SLC66A2: variants seen among roughly 807,000 people sequenced by gnomAD.
The protein encoded by SLC66A2 is PQ loop repeat containing 1.
Under a neutral mutation model 25.5 loss-of-function variants are expected in SLC66A2, and 23 were observed. The ratio of observed to expected loss-of-function variants is 0.90; its 90% CI spans 0.65 to 1.28. The LOEUF (loss-of-function observed/expected upper bound fraction) is 1.28, where lower values mean the gene tolerates loss of function less well. SLC66A2 is among the 50% of genes most tolerant of loss of function. SLC66A2 has a pLI of 0.00. For missense variants in SLC66A2, 396 were observed against 373.1 expected (o/e 1.06, Z -0.51); for synonymous variants, 193 against 166.5 (o/e 1.16, Z -1.23).
intron 4 of SLC66A2, among the ~76,000 whole-genome samples, chr18:79,928,069 G>T (rs1390632919): frequency 3.3e-5 from 5 of 152,242 alleles, no homozygotes; most frequent in Non-Finnish European, 5.9e-5. Context: ...AGGTGAGAGA[G>T]GTGAGGGGCT....
At chr18:79,950,251 C>G (rs1339696749) in intron 2 of SLC66A2, among the ~76,000 whole-genome samples, 1 of 152,118 alleles carries the variant, frequency 6.6e-6, no homozygotes, top group Non-Finnish European at 1.5e-5. Flanking sequence ...CCCAGCTACT[C>G]GGGAGGCTGA....
chr18:79,943,533 G>A, intron 2 of SLC66A2, 71 bp from the exon 3 acceptor site: 1 of 1,560,700 alleles, frequency 6.4e-7, no homozygotes, highest in East Asian at 2.3e-5. Flanking sequence ...ACCTGCAGCG[G>A]GAGAGACCCG....
In SLC66A2 at chr18:79,919,318, G is replaced by A. The variant is rs766293899; in HGVS notation, c.474C>T (p.Gly158=). Residue 158 remains glycine (G), a synonymous_variant, in exon 5 of 6, where the codon GGC becomes GGT. Transcript: ENST00000397778. ...AGTCAATGGACAGGTAGGTGATGTA[G>A]CCCGCCACGCCCGTGAAGGCCAGGA... is the stretch of plus-strand genomic sequence containing the variant. ...QCVLAFTGVA[G]YITYLSIDSA... 1.2e-5 allele frequency: 20 copies of A among 1,613,110 alleles called. No individual in the cohort carries two copies. Among genetic ancestry groups the A allele is most frequent in the Non-Finnish European group, 1.6e-5 (19 of 1,180,032 alleles).
At chr18:79,931,805 G>C (rs938670896) in intron 4 of SLC66A2, among the ~76,000 whole-genome samples, 1 of 152,062 alleles carries the variant, frequency 6.6e-6, no homozygotes, top group Admixed American at 6.6e-5. Flanking sequence ...CTGAGCTCTG[G>C]AGTTTGAGAC....
chr18:79,929,519 C>A (rs1986349987), intron 4 of SLC66A2, among the ~76,000 whole-genome samples: 1 of 152,050 alleles, frequency 6.6e-6, no homozygotes, highest in Non-Finnish European at 1.5e-5. Context: ...CAGCTTGCAA[C>A]AAGAAAACAA....
rs138429488 is a variant in SLC66A2 at position 79,936,941 on chromosome 18, G to T, written c.338-2919C>A. ...CCCTCAGACTGCCGTGCACAGAGAGGGCTAAGGGAGGCATGAGGATGCCAC... is the reference window on the plus strand; with the variant it reads ...CCCTCAGACTGCCGTGCACAGAGAGTGCTAAGGGAGGCATGAGGATGCCAC... On this transcript the variant is annotated intron_variant, in intron 3 of 5. Coordinates refer to ENST00000397778, the MANE Select transcript of SLC66A2 (RefSeq NM_025078.5). Among the ~76,000 whole-genome samples, 380 of 152,322 alleles carry T rather than the reference G, an allele frequency of 2.5e-3. 3 individuals carry two copies. Among genetic ancestry groups the T allele is most frequent in the African/African-American group, 8.5e-3 (355 of 41,576 alleles).
chr18:79,911,255 C>T (rs902648922), intron 5 of SLC66A2, among the ~76,000 whole-genome samples: 12 of 152,264 alleles, frequency 7.9e-5, no homozygotes, highest in Non-Finnish European at 1.6e-4. Context: ...GGGGCCTGGA[C>T]ATCTTTCCGT....
rs548104229 is a variant in SLC66A2, at chr18:79,927,416, C to T, written c.391+6553G>A. Among the ~76,000 whole-genome samples the T allele has an allele frequency of 1.1e-4, 17 of 152,280 alleles. No individual in the cohort carries two copies. The highest frequency in any genetic ancestry group is 1.9e-4 in the East Asian group (1 of 5,184). ...AAGAGGCCCCCGAGGCCACCAGGGC[C>T]GACTTTTACTTTATCCTAAGGATCA... On this transcript the variant is annotated intron_variant, in intron 4 of 5. Coordinates refer to ENST00000397778, the MANE Select transcript of SLC66A2 (RefSeq NM_025078.5). This position sits in a 1 kb window ranked among gnomAD's most constrained non-coding sequence, Gnocchi z 6.2.
chr18:79,929,220 C>T (rs1986311045), intron 4 of SLC66A2, among the ~76,000 whole-genome samples: 1 of 152,166 alleles, frequency 6.6e-6, no homozygotes, highest in Non-Finnish European at 1.5e-5. Context: ...AACACTGGCC[C>T]CAATGGCCAC....
rs113984142 is a variant in SLC66A2, at chr18:79,941,857, C to G, written c.337+1472G>C. The G allele has an allele frequency of 6.6e-6, 1 of 151,830 alleles. No individual in the cohort carries two copies. Among genetic ancestry groups the G allele is most frequent in the Non-Finnish European group, 1.5e-5 (1 of 68,030 alleles). The allele number at this position is 151,830 out of a possible 1,614,324, so 9.4% of individuals were successfully genotyped here. ...CGAGGACAGCAGAAACACCCAGCAA[C>G]GCACTGGGCATCTTAGGCACAAATG... On this transcript the variant is annotated intron_variant, in intron 3 of 5. Transcript: ENST00000397778. This position sits in a 1 kb window ranked among gnomAD's most constrained non-coding sequence, Gnocchi z 4.1.
chr18:79,941,988 C>T lies in SLC66A2; in HGVS notation c.337+1341G>A, dbSNP rs989940086. On this transcript the variant is annotated intron_variant, in intron 3 of 5. Coordinates refer to ENST00000397778, the MANE Select transcript of SLC66A2 (RefSeq NM_025078.5). The surrounding 1 kb of genome is among the most constrained non-coding windows in gnomAD (Gnocchi z 4.1). ...CTCCCACAGTGAGAACATTCTTGTTCCAAGTTAAATACTGAGGTTCAAAGG... is the reference window on the plus strand; with the variant it reads ...CTCCCACAGTGAGAACATTCTTGTTTCAAGTTAAATACTGAGGTTCAAAGG... 6.6e-6 allele frequency among the ~76,000 whole-genome samples: 1 copy of T among 152,242 alleles called. No individual in the cohort carries two copies. Among genetic ancestry groups the T allele is most frequent in the Non-Finnish European group, 1.5e-5 (1 of 68,056 alleles).
intron 4 of SLC66A2, among the ~76,000 whole-genome samples, chr18:79,929,923 G>A (rs898281877): frequency 6.6e-6 from 1 of 151,834 alleles, no homozygotes; most frequent in African/African-American, 2.4e-5. Context: ...ACAGAAAACA[G>A]AATTAAGAAA....
intron 4 of SLC66A2, among the ~76,000 whole-genome samples, chr18:79,926,045 C>T (rs1041033750): frequency 5.3e-5 from 8 of 152,206 alleles, no homozygotes; most frequent in Admixed American, 6.5e-5. Context: ...TCTGGTCGTC[C>T]TCACTGCTAC....
chr18:79,913,731 T>C (rs1341154591), intron 5 of SLC66A2, among the ~76,000 whole-genome samples: 2 of 152,178 alleles, frequency 1.3e-5, no homozygotes, highest in Non-Finnish European at 2.9e-5. Flanking sequence ...AGTCACTTCC[T>C]ATCAAACATC....
intron 5 of SLC66A2, among the ~76,000 whole-genome samples, chr18:79,913,618 T>A (rs983103940): frequency 2.6e-5 from 4 of 152,248 alleles, no homozygotes; most frequent in Non-Finnish European, 5.9e-5. Context: ...CACGCGCGCA[T>A]GGAGGCAACT....
intron 5 of SLC66A2, among the ~76,000 whole-genome samples, chr18:79,912,130 G>GGAC (rs1599506452): frequency 6.8e-6 from 1 of 146,470 alleles, no homozygotes; most frequent in Non-Finnish European, 1.5e-5. Context: ...AGCAGGGAGG[G>GGAC]AGTGGGAGCA....
At chr18:79,908,099 A>C (rs1437633805) in intron 5 of SLC66A2, among the ~76,000 whole-genome samples, 1 of 152,130 alleles carries the variant, frequency 6.6e-6, no homozygotes, top group Non-Finnish European at 1.5e-5. Flanking sequence ...TAACTTTCAC[A>C]CATATTTTAA....
chr18:79,918,031 C>T lies in SLC66A2; in HGVS notation c.608+1153G>A, dbSNP rs1325373905. On this transcript the variant is annotated intron_variant, in intron 5 of 5. Transcript: ENST00000397778. The surrounding 1 kb of genome is among the most constrained non-coding windows in gnomAD (Gnocchi z 4.0). ...TGTAACTGCAACCCACACCTATAAC[C>T]CTGGCCTGCACCTACATCTCACCCC... Among the ~76,000 whole-genome samples, 5 of 152,004 alleles carry T rather than the reference C, an allele frequency of 3.3e-5. No individual in the cohort carries two copies. In the East Asian group the frequency reaches 9.7e-4, roughly 29 times the overall value.
At chr18:79,933,136 G>A (rs1986735651) in intron 4 of SLC66A2, among the ~76,000 whole-genome samples, 1 of 152,066 alleles carries the variant, frequency 6.6e-6, no homozygotes. Flanking sequence ...TGCAAGGTTG[G>A]TTCAACACAC....
Sources: gnomAD v4.1 joint callset for allele counts (sites outside exome capture counted in the v4.1 genomes callset) on GRCh38, gnomAD v4.1.1 for gene constraint, Gnocchi (gnomAD v3.1) non-coding constraint, MANE v1.5 for transcripts, NCBI Gene and HGNC (gene_info 2026-07-23, HGNC 2026-07-21) for gene names.